EEFSEC: variants seen among roughly 807,000 people sequenced by gnomAD.
EEFSEC encodes the protein selenocysteine-specific elongation factor.
Under a neutral mutation model 42.1 loss-of-function variants are expected in EEFSEC, and 43 were observed. The observed-to-expected ratio is 1.02, with a 90% CI of 0.80 to 1.32. The LOEUF (loss-of-function observed/expected upper bound fraction) is 1.32, where lower values mean the gene tolerates loss of function less well. Ranked by LOEUF, EEFSEC falls within the 40% of genes most tolerant of loss-of-function variation. EEFSEC has a pLI of 0.00. For missense variants in EEFSEC, 745 were observed against 803.6 expected (o/e 0.93, Z 0.88); for synonymous variants, 354 against 339.1 (o/e 1.04, Z -0.48).
chr3:128,168,331 A>G (rs2065262110), intron 1 of EEFSEC, among the ~76,000 whole-genome samples: 1 of 152,180 alleles, frequency 6.6e-6, no homozygotes, highest in African/African-American at 2.4e-5. Context: ...ACTGTCTCTG[A>G]TCACTAGTTC....
At position 128,287,786 on chromosome 3, in the gene EEFSEC, A is replaced by G. The variant is rs549917051; in HGVS notation, c.786+23005A>G. Among the ~76,000 whole-genome samples the G allele has an allele frequency of 2.4e-3, 363 of 149,590 alleles. 3 individuals carry two copies. Among genetic ancestry groups the G allele is most frequent in the African/African-American group, 8.3e-3 (343 of 41,346 alleles). On this transcript the variant is annotated intron_variant, in intron 4 of 6. Transcript: ENST00000254730. Reference sequence around the variant, plus strand: ...AGGTAATGGATTCTCAAGATAGGGGAAAAAAAATTCAAACTATGTAAAAGA... The same window carrying G: ...AGGTAATGGATTCTCAAGATAGGGGGAAAAAAATTCAAACTATGTAAAAGA...
At chr3:128,416,334 A>G in the EEFSEC span, among the ~76,000 whole-genome samples, 1 of 152,136 alleles carries the variant, frequency 6.6e-6, no homozygotes, top group Non-Finnish European at 1.5e-5. Flanking sequence ...CCCACCCTGC[A>G]GGACCTCCCC....
At chr3:128,399,383 A>G (rs2068022248) in intron 6 of EEFSEC, among the ~76,000 whole-genome samples, 1 of 152,218 alleles carries the variant, frequency 6.6e-6, no homozygotes, top group Non-Finnish European at 1.5e-5. Context: ...GAGCCCGTCG[A>G]GTGCGCGCTT....
chr3:128,283,213 A>T (rs909410846), intron 4 of EEFSEC, among the ~76,000 whole-genome samples: 4 of 152,140 alleles, frequency 2.6e-5, no homozygotes, highest in Admixed American at 2.0e-4. Context: ...CCTCTTTCCC[A>T]TCCCAGGACA....
chr3:128,414,573 G>C, the EEFSEC span, among the ~76,000 whole-genome samples: 1 of 152,178 alleles, frequency 6.6e-6, no homozygotes, highest in Non-Finnish European at 1.5e-5. Flanking sequence ...TAATTACCAA[G>C]AAAGACTCTC....
chr3:128,252,629 T>C (rs1421477378), intron 2 of EEFSEC, among the ~76,000 whole-genome samples: 1 of 151,702 alleles, frequency 6.6e-6, no homozygotes, highest in Non-Finnish European at 1.5e-5. Context: ...GTTTTGAATC[T>C]ACTATCCCAA....
At chr3:128,176,385 A>G (rs1312595460) in intron 1 of EEFSEC, among the ~76,000 whole-genome samples, 1 of 152,012 alleles carries the variant, frequency 6.6e-6, no homozygotes, top group East Asian at 1.9e-4. Context: ...GTTAAGACAA[A>G]GAAGGCCACG....
At chr3:128,204,108 A>G (rs1042952226) in intron 1 of EEFSEC, among the ~76,000 whole-genome samples, 3 of 152,230 alleles carry the variant, frequency 2.0e-5, no homozygotes, top group East Asian at 1.9e-4. Context: ...AGGAAGGAAT[A>G]TAGAAGATTC....
At chr3:128,312,271 G>A (rs990700999) in intron 4 of EEFSEC, among the ~76,000 whole-genome samples, 4 of 152,238 alleles carry the variant, frequency 2.6e-5, no homozygotes, top group Non-Finnish European at 4.4e-5. Flanking sequence ...TCTGAGATGA[G>A]AGAACCAGAG....
intron 1 of EEFSEC, among the ~76,000 whole-genome samples, chr3:128,160,886 A>G (rs1280982689): frequency 6.6e-6 from 1 of 152,212 alleles, no homozygotes; most frequent in African/African-American, 2.4e-5. Context: ...GTGGCCACAG[A>G]TAAAACTAAG....
Position 128,153,714 on chromosome 3 carries a change from C to A in EEFSEC, c.207C>A (p.Pro69=). The A allele has an allele frequency of 6.3e-7, 1 of 1,585,648 alleles. No individual in the cohort carries two copies. Among genetic ancestry groups the A allele is most frequent in the Non-Finnish European group, 8.5e-7 (1 of 1,174,422 alleles). The part of the protein sequence containing the change: ...PLPARLRSSL[P]EFQAAPEAEP... ...CCGCGCGCCTGCGGTCGTCTTTGCC[C>A]GAGTTCCAGGCAGCGCCCGAGGCCG... Residue 69 remains proline (P), a synonymous_variant, in exon 1 of 7, where the codon CCC becomes CCA. Transcript: ENST00000254730.
chr3:128,328,782 G>C (rs1021020643), intron 4 of EEFSEC, among the ~76,000 whole-genome samples: 4 of 152,204 alleles, frequency 2.6e-5, no homozygotes, highest in African/African-American at 9.6e-5. Context: ...TGCCAGGTGA[G>C]AGTGCCTCGC....
At chr3:128,226,964 C>T (rs1475976199) in intron 1 of EEFSEC, among the ~76,000 whole-genome samples, 1 of 152,174 alleles carries the variant, frequency 6.6e-6, no homozygotes, top group African/African-American at 2.4e-5. Flanking sequence ...GGGACACCAG[C>T]CTGGCCTGCC....
At chr3:128,226,024 G>A (rs1039361789) in intron 1 of EEFSEC, among the ~76,000 whole-genome samples, 3 of 152,230 alleles carry the variant, frequency 2.0e-5, no homozygotes, top group African/African-American at 7.2e-5. Flanking sequence ...CTCAGGATAT[G>A]CCGGAGAACA....
In EEFSEC at chr3:128,316,078, C is replaced by T. The variant is rs548180330; in HGVS notation, c.787-25155C>T. On this transcript the variant is annotated intron_variant, in intron 4 of 6. Transcript: ENST00000254730. ...CCAGAAAAGACCAAGTCCTTTTGAT[C>T]ACCCTTCTAATTCTAGTCTGTGGCG... Among the ~76,000 whole-genome samples the T allele has an allele frequency of 2.0e-3, 301 of 152,296 alleles. 2 individuals carry two copies. The highest frequency in any genetic ancestry group is 3.4e-3 in the Middle Eastern group (1 of 294).
rs539359831 is a variant in EEFSEC, at chr3:128,219,476, A to G, written c.317-27360A>G. ...CACTTGGGTCTTCCTTCTCCCCCTC[A>G]GACCTGCTCCTCACTTGGGCCTTCT... On this transcript the variant is annotated intron_variant, in intron 1 of 6. Transcript: ENST00000254730. Among the ~76,000 whole-genome samples, 5 of 152,166 alleles carry G rather than the reference A, an allele frequency of 3.3e-5. No homozygotes were observed. The East Asian group carries it at 9.7e-4, about 30-fold the overall frequency.
At chr3:128,293,110 A>G (rs1314142908) in intron 4 of EEFSEC, among the ~76,000 whole-genome samples, 2 of 152,200 alleles carry the variant, frequency 1.3e-5, no homozygotes, top group East Asian at 1.9e-4. Context: ...TTGTTAATTT[A>G]TACTCTTATT....
chr3:128,394,744 C>T (rs757380754), intron 6 of EEFSEC, among the ~76,000 whole-genome samples: 4 of 152,124 alleles, frequency 2.6e-5, no homozygotes, highest in Non-Finnish European at 4.4e-5. Flanking sequence ...GGAGGAGGGC[C>T]GCCTGCAGGA....
chr3:128,154,756 A>G (rs1411161008), intron 1 of EEFSEC, among the ~76,000 whole-genome samples: 1 of 152,162 alleles, frequency 6.6e-6, no homozygotes, highest in Non-Finnish European at 1.5e-5. Context: ...GCCTGTACCA[A>G]CATTTTCTGA....
Sources: gnomAD v4.1 joint callset for allele counts (sites outside exome capture counted in the v4.1 genomes callset) on GRCh38, gnomAD v4.1.1 for gene constraint, MANE v1.5 for transcripts, NCBI Gene and HGNC (gene_info 2026-07-23, HGNC 2026-07-21) for gene names.